Variants in ITSN1 observed in about 807,000 individuals in gnomAD.
The protein encoded by ITSN1 is intersectin-1.
ITSN1 carries 58 observed loss-of-function variants against 239.8 expected under a neutral mutation model. The observed-to-expected ratio is 0.24, with a 90% confidence interval of 0.20 to 0.30. ITSN1 has a LOEUF of 0.30. ITSN1 is among the 10% of genes least tolerant of loss of function. The probability of loss-of-function intolerance (pLI) is 1.00; values close to 1 mark genes in which losing one functional copy is unlikely to be tolerated. For missense variants in ITSN1, 1,558 were observed against 2,103.3 expected (o/e 0.74, Z 5.07); for synonymous variants, 780 against 770.8 (o/e 1.01, Z -0.20).
intron 1 of ITSN1, among the ~76,000 whole-genome samples, chr21:33,661,234 G>A (rs1218458516): frequency 2.9e-5 from 3 of 102,744 alleles, no homozygotes; most frequent in Admixed American, 1.0e-4. Context: ...TAAAAATCGA[G>A]TTCCTGTAAA....
intron 8 of ITSN1, chr21:33,757,167 C>T (rs916645057): frequency 6.6e-6 from 1 of 152,068 alleles, no homozygotes; most frequent in Non-Finnish European, 1.5e-5. Context: ...CCAATGAATC[C>T]AAAAATATTT....
At chr21:33,782,279 T>C in intron 16 of ITSN1, 146 bp downstream of exon 16, 2 of 800,078 alleles carry the variant, frequency 2.5e-6, no homozygotes, top group Non-Finnish European at 4.0e-6. Flanking sequence ...CTTGAAAATA[T>C]AAGAATGAAT....
intron 1 of ITSN1, among the ~76,000 whole-genome samples, chr21:33,681,248 A>T (rs1184291572): frequency 4.6e-5 from 7 of 152,184 alleles, no homozygotes; most frequent in Non-Finnish European, 8.8e-5. Context: ...TTTGAGGGGT[A>T]TTGAAGCTGA....
chr21:33,698,106 C>T (rs1266104391), intron 1 of ITSN1, among the ~76,000 whole-genome samples: 3 of 152,158 alleles, frequency 2.0e-5, no homozygotes, highest in Non-Finnish European at 4.4e-5. Flanking sequence ...ATTCTCTCTT[C>T]CTGCCAATAT....
chr21:33,705,110 CAAA>C (rs1174530558), intron 1 of ITSN1, among the ~76,000 whole-genome samples: 2 of 69,718 alleles, frequency 2.9e-5, no homozygotes, highest in African/African-American at 4.6e-5. Context: ...GACTCCGTCT[CAAA>C]AAAAAAAAAA....
chr21:33,786,226 A>G (rs917628226), intron 16 of ITSN1, among the ~76,000 whole-genome samples: 4 of 152,216 alleles, frequency 2.6e-5, no homozygotes, highest in African/African-American at 7.2e-5. Flanking sequence ...AATAGTTTTA[A>G]TTCAGTGGGT....
intron 29 of ITSN1, among the ~76,000 whole-genome samples, chr21:33,853,265 G>A (rs1418794693): frequency 6.6e-6 from 1 of 152,206 alleles, no homozygotes; most frequent in African/African-American, 2.4e-5. Flanking sequence ...ATTTGGTGGG[G>A]GCAAGCAGCC....
intron 26 of ITSN1, 55 bp from the exon 27 acceptor site, chr21:33,829,569 C>T (rs992651711): frequency 8.8e-6 from 14 of 1,597,924 alleles, no homozygotes; most frequent in Admixed American, 3.4e-5. Flanking sequence ...TCTTCTTGGC[C>T]TTTTCTCCTG....
Position 33,811,033 on chromosome 21 carries a change from C to T in ITSN1, c.2378C>T (p.Thr793Ile), listed in dbSNP as rs376275091. Reference sequence around the variant, plus strand: ...CTTGGAGGAGAATTAAAAGGAAAGACAGGGTGGTTCCCTGCAAACTATGCA... The same window carrying T: ...CTTGGAGGAGAATTAAAAGGAAAGATAGGGTGGTTCCCTGCAAACTATGCA... ...GWLGGELKGK[T>I]GWFPANYAEK... Residue 793 changes from threonine (T) to isoleucine (I), a missense_variant, in exon 21 of 40, where the codon ACA becomes ATA. Thr to Ile is a moderately conservative substitution (Grantham distance 89, BLOSUM62 -1). This residue lies in a region of ITSN1 where 982 missense variants were observed against 1,209.9 expected (regional missense o/e 0.81). Coordinates refer to ENST00000381318, the MANE Select transcript of ITSN1 (RefSeq NM_003024.3). 6 of 1,614,076 alleles carry T rather than the reference C, an allele frequency of 3.7e-6. No individual in the cohort carries two copies. The highest frequency in any genetic ancestry group is 5.1e-6 in the Non-Finnish European group (6 of 1,180,038).
chr21:33,671,775 A>AC, intron 1 of ITSN1, among the ~76,000 whole-genome samples: 2 of 151,888 alleles, frequency 1.3e-5, no homozygotes, highest in Middle Eastern at 6.8e-3. Flanking sequence ...CTGGGCGACA[A>AC]AGCGAGACTC....
At chr21:33,748,606 G>A (rs1291630447) in intron 5 of ITSN1, among the ~76,000 whole-genome samples, 2 of 151,996 alleles carry the variant, frequency 1.3e-5, no homozygotes, top group Admixed American at 6.6e-5. Context: ...TTGAGAGGCT[G>A]AGGCAGGACG....
At chr21:33,676,362 A>C (rs2090593210) in intron 1 of ITSN1, among the ~76,000 whole-genome samples, 1 of 152,126 alleles carries the variant, frequency 6.6e-6, no homozygotes, top group Admixed American at 6.5e-5. Flanking sequence ...TACGAATATT[A>C]ACCTGCATTT....
intron 29 of ITSN1, among the ~76,000 whole-genome samples, chr21:33,848,725 T>A (rs1301164738): frequency 6.6e-6 from 1 of 152,208 alleles, no homozygotes; most frequent in African/African-American, 2.4e-5. Flanking sequence ...TGACTCACCA[T>A]CACGCAGAGA....
At chr21:33,679,973 C>G (rs2146501535) in intron 1 of ITSN1, among the ~76,000 whole-genome samples, 1 of 152,300 alleles carries the variant, frequency 6.6e-6, no homozygotes, top group South Asian at 2.1e-4. Flanking sequence ...GCTGGGATTA[C>G]AGGCGTGAGA....
intron 21 of ITSN1, 26 bp from the exon 22 acceptor site, chr21:33,813,887 T>G (rs753381917): frequency 1.9e-6 from 3 of 1,610,168 alleles, no homozygotes; most frequent in Admixed American, 1.7e-5. Context: ...TGCTTGTTAT[T>G]CATGGTGTTG....
rs199737103 is a variant in ITSN1, at chr21:33,770,764, A to ATTT, written c.1043-1280_1043-1278dup. Among the ~76,000 whole-genome samples, 1,133 of 133,592 alleles carry ATTT rather than the reference A, an allele frequency of 8.5e-3. 32 individuals carry two copies. Among genetic ancestry groups the ATTT allele is most frequent in the African/African-American group, 0.031 (1,082 of 35,072 alleles). The allele number at this position is 133,592 out of a possible 152,430, so 87.6% of individuals were successfully genotyped here. A position where few individuals can be genotyped will look rare whatever the true frequency, so the allele number is the denominator to read the frequency against. On this transcript the variant is annotated intron_variant, in intron 11 of 39. Coordinates refer to ENST00000381318, the MANE Select transcript of ITSN1 (RefSeq NM_003024.3). The stretch of plus-strand genomic sequence containing the variant: ...CCTTTCTGTGGGAGGGGGACTTTGA[A>ATTT]TTTTTTTTTTTTTTTTTTTGAGACA...
At chr21:33,726,028 C>G (rs2065812820) in intron 4 of ITSN1, among the ~76,000 whole-genome samples, 2 of 152,180 alleles carry the variant, frequency 1.3e-5, no homozygotes, top group African/African-American at 4.8e-5. Context: ...GAGTCTTGCT[C>G]TGTTGCTCAG....
chr21:33,730,518 A>G (rs1276181903), intron 4 of ITSN1, among the ~76,000 whole-genome samples: 4 of 141,866 alleles, frequency 2.8e-5, no homozygotes, highest in South Asian at 2.2e-4. Context: ...TCTCTGCCTC[A>G]GCCTCCTGAG....
In ITSN1 at chr21:33,797,511, A is replaced by G; in HGVS notation, c.2085A>G (p.Glu695=). ...GTGTCAAAAAGAAGGATGGCGAGGA[A>G]AAAGGCAAACAGGAAGCACAAGACA... ...EESVKKKDGE[E]KGKQEAQDKL... The change falls in exon 18 of 40, where the codon GAA becomes GAG. Residue 695 remains glutamate (E), a synonymous_variant. Coordinates refer to ENST00000381318, the MANE Select transcript of ITSN1 (RefSeq NM_003024.3). This position sits in a 1 kb window ranked among gnomAD's most constrained non-coding sequence, Gnocchi z 4.9. 1 of 1,614,214 alleles carries G rather than the reference A, an allele frequency of 6.2e-7. No homozygotes were observed. The highest frequency in any genetic ancestry group is 8.5e-7 in the Non-Finnish European group (1 of 1,180,046).
Sources: gnomAD v4.1 joint callset for allele counts (sites outside exome capture counted in the v4.1 genomes callset) on GRCh38, gnomAD v4.1.1 for gene constraint, gnomAD v4.1.1 regional missense constraint, Gnocchi (gnomAD v3.1) non-coding constraint, MANE v1.5 for transcripts, NCBI Gene and HGNC (gene_info 2026-07-23, HGNC 2026-07-21) for gene names.